Variants in MGAT5 observed in about 807,000 individuals in gnomAD.
The protein encoded by MGAT5 is alpha-1,6-mannosylglycoprotein 6-beta-N-acetylglucosaminyltransferase, also known as alpha-1,6-mannosylglycoprotein 6-beta-N-acetylglucosaminyltransferase A.
In MGAT5, 30 loss-of-function variants were observed where a neutral mutation model predicts 94.3. That is an observed-to-expected ratio of 0.32 (90% CI 0.24 to 0.43). MGAT5 has a LOEUF of 0.43. Ranked by LOEUF, MGAT5 falls within the 20% of genes least tolerant of loss-of-function variation. MGAT5 has a pLI of 1.00. For missense variants in MGAT5, 691 were observed against 905.5 expected (o/e 0.76, Z 3.04); for synonymous variants, 310 against 322.9 (o/e 0.96, Z 0.43).
intron 1 of MGAT5, among the ~76,000 whole-genome samples, chr2:134,189,639 G>C (rs1239592517): frequency 1.2e-5 from 1 of 85,216 alleles, no homozygotes; most frequent in Non-Finnish European, 2.4e-5. Context: ...GTCTCGCTCT[G>C]TTGCCAGGCT....
At chr2:134,340,054 G>A (rs934131414) in intron 6 of MGAT5, among the ~76,000 whole-genome samples, 42 of 152,154 alleles carry the variant, frequency 2.8e-4, no homozygotes, top group African/African-American at 1.0e-3. Context: ...AGAATTAATG[G>A]ATGGTAGGAT....
intron 3 of MGAT5, among the ~76,000 whole-genome samples, chr2:134,318,257 C>T (rs1033424669): frequency 4.7e-4 from 71 of 152,254 alleles, no homozygotes; most frequent in African/African-American, 1.7e-3. Flanking sequence ...CTCCTTCACG[C>T]ACTGTATTTC....
intron 2 of MGAT5, among the ~76,000 whole-genome samples, chr2:134,287,621 G>A (rs953647956): frequency 2.0e-5 from 3 of 152,190 alleles, no homozygotes; most frequent in African/African-American, 7.2e-5. Context: ...CCTCATAGAT[G>A]GATCCTTCAG....
chr2:134,254,313 C>A lies in MGAT5; in HGVS notation c.-91C>A, dbSNP rs990370760. On this transcript the variant is annotated 5_prime_UTR_variant, in exon 1 of 16. Transcript: ENST00000281923. ...AGCTGACACAGGAGCCAGAGTGAGA[C>A]CAGCAGACTCTCACACTCAACCTAC... 1.3e-6 allele frequency: 2 copies of A among 1,482,452 alleles called. No individual in the cohort carries two copies. Among genetic ancestry groups the A allele is most frequent in the Non-Finnish European group, 1.8e-6 (2 of 1,091,224 alleles). 91.8% of individuals were successfully genotyped at this position (1,482,452 alleles called of 1,614,324 possible). A position where few individuals can be genotyped will look rare whatever the true frequency, so the allele number is the denominator to read the frequency against.
intron 1 of MGAT5, among the ~76,000 whole-genome samples, chr2:134,259,484 C>T (rs566140896): frequency 7.8e-4 from 119 of 152,266 alleles, no homozygotes; most frequent in African/African-American, 2.6e-3. Flanking sequence ...GTGACATTTC[C>T]CCTTATGGTC....
intron 1 of MGAT5, among the ~76,000 whole-genome samples, chr2:134,204,370 T>C (rs1679934546): frequency 6.6e-6 from 1 of 152,212 alleles, no homozygotes; most frequent in Non-Finnish European, 1.5e-5. Context: ...CTTTCTTCCT[T>C]GGCTAATGAA....
chr2:134,294,586 C>T (rs184687763), intron 2 of MGAT5, among the ~76,000 whole-genome samples: 1 of 152,152 alleles, frequency 6.6e-6, no homozygotes, highest in Admixed American at 6.6e-5. Flanking sequence ...CAAAGACTTT[C>T]CTCCCCGTCT....
intron 1 of MGAT5, among the ~76,000 whole-genome samples, chr2:134,157,227 A>AT (rs1262970976): frequency 6.6e-6 from 1 of 152,098 alleles, no homozygotes; most frequent in Non-Finnish European, 1.5e-5. Flanking sequence ...GCCAATGTTA[A>AT]TTTTTTTGTT....
intron 1 of MGAT5, among the ~76,000 whole-genome samples, chr2:134,146,621 T>TA: frequency 6.6e-6 from 1 of 152,242 alleles, no homozygotes; most frequent in African/African-American, 2.4e-5. Context: ...ATGAGAACCT[T>TA]ACTGTTTGAA....
chr2:134,366,268 A>T (rs999697325), intron 10 of MGAT5, among the ~76,000 whole-genome samples: 1 of 152,210 alleles, frequency 6.6e-6, no homozygotes, highest in African/African-American at 2.4e-5. Context: ...AGAATGGAAA[A>T]TTGGTCAACT....
At chr2:134,264,085 C>T (rs943602378) in intron 1 of MGAT5, among the ~76,000 whole-genome samples, 1 of 141,398 alleles carries the variant, frequency 7.1e-6, no homozygotes, top group African/African-American at 2.7e-5. Context: ...TGCAATGGCA[C>T]GATCTCGGCT....
chr2:134,173,489 C>T (rs1247086872), intron 1 of MGAT5, among the ~76,000 whole-genome samples: 3 of 152,220 alleles, frequency 2.0e-5, no homozygotes, highest in Non-Finnish European at 4.4e-5. Flanking sequence ...ACGCCAGTAT[C>T]TGCACCCCCT....
chr2:134,379,436 G>T (rs941110699), intron 10 of MGAT5, among the ~76,000 whole-genome samples: 2 of 152,200 alleles, frequency 1.3e-5, no homozygotes, highest in Admixed American at 1.3e-4. Flanking sequence ...GCGATTTCTT[G>T]TCCTTGCTAG....
At chr2:134,282,577 A>C (rs906096185) in intron 2 of MGAT5, among the ~76,000 whole-genome samples, 1 of 152,240 alleles carries the variant, frequency 6.6e-6, no homozygotes, top group African/African-American at 2.4e-5. Flanking sequence ...CTTTACTAAC[A>C]GATACGGCAA....
At chr2:134,274,477 G>GGATGTGATAGTTACAATCCTA (rs1267468713) in intron 2 of MGAT5, among the ~76,000 whole-genome samples, 3 of 136,670 alleles carry the variant, frequency 2.2e-5, no homozygotes, top group East Asian at 5.0e-4. Flanking sequence ...AGGCTTCATA[G>GGATGTGATAGTTACAATCCTA]GATGTGATAG....
chr2:134,338,355 G>A lies in MGAT5; in HGVS notation c.742G>A (p.Ala248Thr), dbSNP rs755158785. The A allele has an allele frequency of 9.3e-6, 15 of 1,612,842 alleles. No individual in the cohort carries two copies. Among genetic ancestry groups the A allele is most frequent in the African/African-American group, 2.7e-5 (2 of 74,852 alleles). Residue 248 changes from alanine (A) to threonine (T), a missense_variant, in exon 6 of 16, where the codon GCA (alanine) becomes ACA (threonine). By Grantham distance (58) the Ala-to-Thr change is moderately conservative (BLOSUM62 0). Transcript: ENST00000281923. ...MRLRIRRMADAWIQAIKSLAE... is the reference protein window; with the variant it reads ...MRLRIRRMADTWIQAIKSLAE... ...ACTACGGATCCGGCGAATGGCTGACGCATGGATCCAAGCAATCAAGTCCCT... is the reference window on the plus strand; with the variant it reads ...ACTACGGATCCGGCGAATGGCTGACACATGGATCCAAGCAATCAAGTCCCT...
intron 1 of MGAT5, among the ~76,000 whole-genome samples, chr2:134,218,748 T>C (rs1021648417): frequency 7.2e-5 from 11 of 152,188 alleles, no homozygotes; most frequent in Non-Finnish European, 1.5e-4. Context: ...GGTAAGGATA[T>C]AGACTTGTTG....
At chr2:134,228,343 G>T (rs1257210) in intron 1 of MGAT5, among the ~76,000 whole-genome samples, 98,622 of 152,124 alleles carry the variant, frequency 0.65, 32,649 homozygotes, top group Non-Finnish European at 0.72. Flanking sequence ...CAAATTATAG[G>T]GTAAGAAAAG....
chr2:134,196,472 T>C (rs1478381663), intron 1 of MGAT5, among the ~76,000 whole-genome samples: 4 of 152,204 alleles, frequency 2.6e-5, no homozygotes, highest in African/African-American at 9.6e-5. Flanking sequence ...TTTTGTTTTC[T>C]ATTTAATGTA....
Sources: gnomAD v4.1 joint callset for allele counts (sites outside exome capture counted in the v4.1 genomes callset) on GRCh38, gnomAD v4.1.1 for gene constraint, MANE v1.5 for transcripts, NCBI Gene and HGNC (gene_info 2026-07-23, HGNC 2026-07-21) for gene names.